Variants in MEGF11 observed in about 807,000 individuals in gnomAD.
MEGF11 encodes the protein multiple epidermal growth factor-like domains protein 11.
In MEGF11, 126 loss-of-function variants were observed where a neutral mutation model predicts 146.6. The observed-to-expected ratio is 0.86, with a 90% confidence interval of 0.74 to 1.00. The LOEUF is 1.00. Ranked by LOEUF, MEGF11 falls within the 50% of genes least tolerant of loss-of-function variation. The pLI, the probability that MEGF11 is intolerant of heterozygous loss-of-function variation, is 0.00. For synonymous variants in MEGF11, 532 were observed against 583.4 expected, an observed-to-expected ratio of 0.91 and a Z score of 1.27; for missense variants, 1,509 against 1,521.2, an observed-to-expected ratio of 0.99 and a Z score of 0.13.
rs115416800 is a variant in MEGF11 at position 66,170,119 on chromosome 15, A to G, written c.-8-41708T>C. ...AAAAGACTGCACTAAAGACAGAATA[A>G]CCTCTTCTCTATAATCACAATAATA... On this transcript the variant is annotated intron_variant, in intron 1 of 25. Transcript: ENST00000395614. Among the ~76,000 whole-genome samples, 215 of 152,308 alleles carry G rather than the reference A, an allele frequency of 1.4e-3. 1 individual carries two copies. The Middle Eastern group carries it at 0.02, about 14-fold the overall frequency.
rs747669448 is a variant in MEGF11 at position 65,980,820 on chromosome 15, G to A, written c.720C>T (p.Cys240=). ...AGGCACACTCGCCAGTGATGTGGTG[G>A]CAGGTGCCCCCATTCTGACAGGGGC... ...LRCPCQNGGT[C]HHITGECACP... Residue 240 remains cysteine, a synonymous_variant, in exon 7 of 26, where the codon TGC becomes TGT. Transcript: ENST00000395614. The A allele has an allele frequency of 1.2e-6, 2 of 1,606,008 alleles. No homozygotes were observed. The highest frequency in any genetic ancestry group is 1.7e-6 in the Non-Finnish European group (2 of 1,176,706).
chr15:66,113,701 G>A (rs2087563997), intron 4 of MEGF11, among the ~76,000 whole-genome samples: 1 of 152,144 alleles, frequency 6.6e-6, no homozygotes, highest in Non-Finnish European at 1.5e-5. Context: ...AGACCACAGT[G>A]AAACCCCGTC....
chr15:66,220,733 C>T (rs2091715141), intron 1 of MEGF11, among the ~76,000 whole-genome samples: 1 of 152,004 alleles, frequency 6.6e-6, no homozygotes, highest in Non-Finnish European at 1.5e-5. Flanking sequence ...GACAGGGTCT[C>T]ACTGTGTTGC....
intron 5 of MEGF11, among the ~76,000 whole-genome samples, chr15:65,990,814 C>T (rs978031832): frequency 6.6e-6 from 1 of 152,184 alleles, no homozygotes; most frequent in African/African-American, 2.4e-5. Context: ...ATTCTCTGCC[C>T]TGTTGCCAAA....
At chr15:65,986,814 T>TTTTTTA (rs2081874611) in intron 5 of MEGF11, among the ~76,000 whole-genome samples, 1 of 147,416 alleles carries the variant, frequency 6.8e-6, no homozygotes, top group African/African-American at 2.5e-5. Context: ...TTTTTTTTTT[T>TTTTTTA]GAGACAGAGT....
At chr15:65,900,690 A>G (rs2078474389) in intron 24 of MEGF11, among the ~76,000 whole-genome samples, 1 of 152,244 alleles carries the variant, frequency 6.6e-6, no homozygotes, top group African/African-American at 2.4e-5. Context: ...TGACTTCCTC[A>G]GGATCACACT....
intron 2 of MEGF11, among the ~76,000 whole-genome samples, chr15:66,127,500 G>A (rs922673458): frequency 7.9e-5 from 12 of 152,030 alleles, no homozygotes; most frequent in Admixed American, 3.3e-4. Context: ...CGAGTCCCCC[G>A]CCTTTCTTCT....
chr15:65,902,690 T>C (rs1427630364), intron 24 of MEGF11, among the ~76,000 whole-genome samples: 1 of 152,184 alleles, frequency 6.6e-6, no homozygotes, highest in Non-Finnish European at 1.5e-5. Context: ...ACCCAAGCTC[T>C]GGGAGTCACT....
At chr15:66,233,268 C>A (rs1449804575) in intron 1 of MEGF11, among the ~76,000 whole-genome samples, 1 of 152,166 alleles carries the variant, frequency 6.6e-6, no homozygotes, top group African/African-American at 2.4e-5. Flanking sequence ...CAGAGTGTAG[C>A]TTTGTCGCCC....
intron 5 of MEGF11, among the ~76,000 whole-genome samples, chr15:66,053,701 C>A (rs1293683318): frequency 7.3e-5 from 11 of 150,574 alleles, no homozygotes; most frequent in South Asian, 4.3e-4. Context: ...TCAGCTCCCC[C>A]TCCCCTGGCA....
rs1044499555 is a variant in MEGF11 at position 65,896,802 on chromosome 15, G to C, written c.*1132C>G. On this transcript the variant is annotated 3_prime_UTR_variant, in exon 26 of 26. Transcript: ENST00000395614. ...TGGAAGGACTTCATATCCTCATGCTGTTTACAGTAACGTTTTTACATCACG... is the reference window on the plus strand; with the variant it reads ...TGGAAGGACTTCATATCCTCATGCTCTTTACAGTAACGTTTTTACATCACG... 1 of 152,138 alleles carries C rather than the reference G, an allele frequency of 6.6e-6. No individual in the cohort carries two copies. Among genetic ancestry groups the C allele is most frequent in the Admixed American group, 6.5e-5 (1 of 15,278 alleles). 9.4% of individuals were successfully genotyped at this position (152,138 alleles called of 1,614,324 possible). A position where few individuals can be genotyped will look rare whatever the true frequency, so the allele number is the denominator to read the frequency against.
intron 1 of MEGF11, among the ~76,000 whole-genome samples, chr15:66,145,153 G>A (rs1487885720): frequency 6.6e-6 from 1 of 152,204 alleles, no homozygotes; most frequent in Non-Finnish European, 1.5e-5. Flanking sequence ...TGAGCTGAGA[G>A]CAGGCCCAAG....
At chr15:66,102,435 T>C (rs2086861800) in intron 4 of MEGF11, among the ~76,000 whole-genome samples, 1 of 137,078 alleles carries the variant, frequency 7.3e-6, no homozygotes, top group African/African-American at 2.9e-5. Context: ...AACATTTTCT[T>C]TTTTTTTTTT....
chr15:65,986,847 G>A (rs1381045911), intron 5 of MEGF11, among the ~76,000 whole-genome samples: 2 of 146,762 alleles, frequency 1.4e-5, no homozygotes, highest in African/African-American at 5.1e-5. Context: ...GCCTAGGCTG[G>A]AGTGCAGTGG....
Position 65,916,933 on chromosome 15 carries a change from G to T in MEGF11, c.2110C>A (p.Pro704Thr). The change falls in exon 17 of 26, where the codon CCC (proline) becomes ACC (threonine). Residue 704 changes from proline to threonine, a missense_variant. Coordinates refer to ENST00000395614, the MANE Select transcript of MEGF11 (RefSeq NM_001385028.1). ...SQACPPGFWGPACFHACSCHN... is the reference protein window; with the variant it reads ...SQACPPGFWGTACFHACSCHN... ...CAGCTGCATGCGTGGAAGCAGGCGG[G>T]GCCCCAGAACCCGGGTGGGCAAGCT... 1.3e-6 allele frequency: 2 copies of T among 1,539,496 alleles called. No individual in the cohort carries two copies. The highest frequency in any genetic ancestry group is 1.8e-6 in the Non-Finnish European group (2 of 1,140,856).
intron 10 of MEGF11, among the ~76,000 whole-genome samples, chr15:65,940,955 G>A (rs142556894): frequency 4.6e-5 from 7 of 152,372 alleles, no homozygotes; most frequent in South Asian, 2.1e-4. Flanking sequence ...TTATAGATTT[G>A]TGTATATATT....
At chr15:65,973,747 C>T (rs189129893) in intron 7 of MEGF11, among the ~76,000 whole-genome samples, 32 of 152,252 alleles carry the variant, frequency 2.1e-4, no homozygotes, top group Non-Finnish European at 3.4e-4. Context: ...TATTCTGTGG[C>T]AGAAAGTCAA....
chr15:66,204,380 G>C (rs1021893423), intron 1 of MEGF11, among the ~76,000 whole-genome samples: 1 of 151,996 alleles, frequency 6.6e-6, no homozygotes, highest in African/African-American at 2.4e-5. Context: ...ACTCCGACCT[G>C]GATGACAGAA....
intron 1 of MEGF11, among the ~76,000 whole-genome samples, chr15:66,249,078 T>C (rs1243777543): frequency 1.3e-5 from 2 of 152,206 alleles, no homozygotes; most frequent in Non-Finnish European, 2.9e-5. Flanking sequence ...ACTCTCCTCT[T>C]CCTGCTGAGA....
Sources: allele counts gnomAD v4.1 joint callset (sites outside exome capture counted in the v4.1 genomes callset), GRCh38; gene constraint gnomAD v4.1.1; transcripts MANE v1.5; gene names NCBI Gene and HGNC (gene_info 2026-07-23, HGNC 2026-07-21).